NEBL: variants seen among roughly 807,000 people sequenced by gnomAD.
NEBL encodes nebulette.
Under a neutral mutation model 140.2 loss-of-function variants are expected in NEBL, and 122 were observed. That is an observed-to-expected ratio of 0.87 (90% CI 0.75 to 1.01). The LOEUF (loss-of-function observed/expected upper bound fraction) is 1.01. Among genes scored for constraint, NEBL ranks in the 50% least tolerant of loss-of-function variants. The probability of loss-of-function intolerance (pLI) is 0.00; values close to 1 mark genes in which losing one functional copy is unlikely to be tolerated. For missense variants in NEBL, 1,365 were observed against 1,231.3 expected, an observed-to-expected ratio of 1.11 and a Z score of -1.62; for synonymous variants, 436 against 398.9, an observed-to-expected ratio of 1.09 and a Z score of -1.11.
intron 2 of NEBL, among the ~76,000 whole-genome samples, chr10:21,077,861 T>C (rs1037520484): frequency 8.5e-5 from 13 of 152,160 alleles, no homozygotes; most frequent in Non-Finnish European, 1.2e-4. Flanking sequence ...GATAGACCTT[T>C]CAACAGCCCG....
intron 2 of NEBL, among the ~76,000 whole-genome samples, chr10:21,142,122 C>T (rs1016621705): frequency 6.6e-6 from 1 of 152,132 alleles, no homozygotes; most frequent in Non-Finnish European, 1.5e-5. Flanking sequence ...TCTCTTAGCA[C>T]TCTCCTTGGT....
intron 2 of NEBL, among the ~76,000 whole-genome samples, chr10:21,091,640 G>T (rs193106940): frequency 3.9e-5 from 6 of 152,144 alleles, no homozygotes; most frequent in Non-Finnish European, 5.9e-5. Flanking sequence ...ATTATTTGGG[G>T]GATGGGGGTC....
At chr10:21,077,253 G>A (rs980279159) in intron 2 of NEBL, among the ~76,000 whole-genome samples, 1 of 152,128 alleles carries the variant, frequency 6.6e-6, no homozygotes, top group African/African-American at 2.4e-5. Context: ...GGAATTGGGG[G>A]AAGAAAAGCT....
chr10:20,939,961 A>G (rs1387783250), intron 4 of NEBL, among the ~76,000 whole-genome samples: 77 of 151,742 alleles, frequency 5.1e-4, no homozygotes, highest in Non-Finnish European at 9.3e-4. Context: ...CAGAAAGAGA[A>G]TTAGACTCCC....
chr10:20,960,029 C>A (rs1335218841), intron 4 of NEBL, among the ~76,000 whole-genome samples: 1 of 151,790 alleles, frequency 6.6e-6, no homozygotes, highest in Admixed American at 6.6e-5. Flanking sequence ...GTAAAATGAT[C>A]AGTATTTTTT....
chr10:21,042,557 C>T (rs1396992388), intron 2 of NEBL, among the ~76,000 whole-genome samples: 67 of 152,214 alleles, frequency 4.4e-4, no homozygotes, highest in Non-Finnish European at 1.5e-5. Context: ...AGTCACATCT[C>T]TTGTATCTGT....
intron 4 of NEBL, among the ~76,000 whole-genome samples, chr10:20,882,149 A>T (rs139134086): frequency 1.3e-5 from 2 of 152,098 alleles, no homozygotes; most frequent in African/African-American, 4.8e-5. Flanking sequence ...CCTGGGTGAT[A>T]GAGCAAGATC....
intron 7 of NEBL, among the ~76,000 whole-genome samples, chr10:20,861,588 T>C (rs749276203): frequency 6.6e-5 from 10 of 152,218 alleles, no homozygotes; most frequent in Non-Finnish European, 1.2e-4. Flanking sequence ...TGAACAAAGA[T>C]GGTGGACTCT....
chr10:21,111,726 A>G (rs891425905), intron 2 of NEBL, among the ~76,000 whole-genome samples: 4 of 151,400 alleles, frequency 2.6e-5, no homozygotes, highest in East Asian at 3.9e-4. Flanking sequence ...AACAAAAGCC[A>G]AAATAGACAA....
chr10:20,848,239 T>C (rs1842138053), intron 11 of NEBL, among the ~76,000 whole-genome samples: 1 of 152,232 alleles, frequency 6.6e-6, no homozygotes, highest in Non-Finnish European at 1.5e-5. Flanking sequence ...AAATACTTTA[T>C]ATACTTTATA....
intron 19 of NEBL, among the ~76,000 whole-genome samples, chr10:20,820,144 A>T (rs1839155421): frequency 6.6e-6 from 1 of 152,320 alleles, no homozygotes; most frequent in East Asian, 1.9e-4. Context: ...AACTTTAGTG[A>T]TAGACTATTA....
At chr10:21,200,808 A>G (rs1841723869) in intron 3 of NEBL, among the ~76,000 whole-genome samples, 1 of 152,120 alleles carries the variant, frequency 6.6e-6, no homozygotes, top group African/African-American at 2.4e-5. Flanking sequence ...AGTGATGGAG[A>G]TGATTTAAAA....
In NEBL at chr10:20,781,925, C is replaced by T. The variant is rs1835060366; in HGVS notation, c.*3822G>A. 1 of 152,550 alleles carries T rather than the reference C, an allele frequency of 6.6e-6. No individual in the cohort carries two copies. The highest frequency in any genetic ancestry group is 6.6e-5 in the Admixed American group (1 of 15,248). 9.4% of individuals were successfully genotyped at this position (152,550 alleles called of 1,614,324 possible). ...CACTTTTAGATTATCAGAAGCAAAT[C>T]GCTAAGGTATAATTAATTTATGAAG... is the stretch of plus-strand genomic sequence containing the variant. On this transcript the variant is annotated 3_prime_UTR_variant, in exon 28 of 28. Transcript: ENST00000377122.
intron 17 of NEBL, 72 bp from the exon 18 acceptor site, chr10:20,826,611 G>C (rs1839901451): frequency 2.6e-6 from 3 of 1,160,280 alleles, no homozygotes; most frequent in South Asian, 1.2e-5. Flanking sequence ...TTCTTAGAAA[G>C]ACAATTTCTC....
rs796306558 is a variant in NEBL, at chr10:21,227,711, TTTCTTCTTCTTC to T, written n.348+20198_348+20209del. ...CTTCTTCTTCTTCTTCTTCTTCTTCTTTCTTCTTCTTCTTCTTCTTCTTCTTCTTCTTCTTCT... is the reference window on the plus strand; with the variant it reads ...CTTCTTCTTCTTCTTCTTCTTCTTCTTTCTTCTTCTTCTTCTTCTTCTTCT... On this transcript the variant is annotated intron_variant and non_coding_transcript_variant, in intron 3 of 8. Transcript: ENST00000675702. Among the ~76,000 whole-genome samples, 154 of 46,430 alleles carry T rather than the reference TTTCTTCTTCTTC, an allele frequency of 3.3e-3. 1 individual carries two copies. Among genetic ancestry groups the T allele is most frequent in the East Asian group, 0.012 (20 of 1,618 alleles). The allele number at this position is 46,430 out of a possible 152,430, so 30.5% of individuals were successfully genotyped here. A position where few individuals can be genotyped will look rare whatever the true frequency, so the allele number is the denominator to read the frequency against.
In NEBL at chr10:20,819,480, C is replaced by T. The variant is rs1839066816; in HGVS notation, c.1999G>A (p.Val667Ile). 1 of 1,613,930 alleles carries T rather than the reference C, an allele frequency of 6.2e-7. No homozygotes were observed. The highest frequency in any genetic ancestry group is 1.7e-5 in the Admixed American group (1 of 59,996). The change falls in exon 20 of 28, where the codon GTA (valine) becomes ATA (isoleucine). Residue 667 changes from valine (V) to isoleucine (I), a missense_variant. Transcript: ENST00000377122. ...CTCTCTATCTCCGGGGTCATGCTTA[C>T]CGGAGTGGCCTTGTAGTTTTGCTCT... ...YKEQNYKATP[V>I]SMTPEIERVR...
At chr10:21,043,151 A>C (rs916164923) in intron 2 of NEBL, among the ~76,000 whole-genome samples, 1 of 152,226 alleles carries the variant, frequency 6.6e-6, no homozygotes, top group Admixed American at 6.5e-5. Flanking sequence ...GTATCTTAAA[A>C]AGGGTCTCAG....
intron 5 of NEBL, among the ~76,000 whole-genome samples, chr10:20,871,340 A>T (rs1292178861): frequency 6.6e-6 from 1 of 152,206 alleles, no homozygotes; most frequent in African/African-American, 2.4e-5. Flanking sequence ...ATTTTAATGA[A>T]TTCCCTAGCT....
At chr10:20,924,983 C>T (rs1234626006) in intron 4 of NEBL, among the ~76,000 whole-genome samples, 27 of 151,386 alleles carry the variant, frequency 1.8e-4, no homozygotes, top group Admixed American at 1.8e-3. Context: ...CTGCTCTATA[C>T]CACCTCTCTT....
Sources: gnomAD v4.1 joint callset for allele counts (sites outside exome capture counted in the v4.1 genomes callset) on GRCh38, gnomAD v4.1.1 for gene constraint, MANE v1.5 for transcripts, NCBI Gene and HGNC (gene_info 2026-07-23, HGNC 2026-07-21) for gene names.